PTPN11: variants seen among roughly 807,000 people sequenced by gnomAD.
PTPN11 encodes protein tyrosine phosphatase non-receptor type 11, also known as tyrosine-protein phosphatase non-receptor type 11.
A neutral mutation model predicts 78.8 loss-of-function variants in PTPN11; 6 were observed. The ratio of observed to expected loss-of-function variants is 0.08; its 90% CI spans 0.04 to 0.15. The LOEUF (loss-of-function observed/expected upper bound fraction) is 0.15. Among genes scored for constraint, PTPN11 ranks in the 10% least tolerant of loss-of-function variants. The pLI, the probability that PTPN11 is intolerant of heterozygous loss-of-function variation, is 1.00. For missense variants in PTPN11, 386 were observed against 744.8 expected (o/e 0.52, Z 5.61); for synonymous variants, 221 against 263.5 (o/e 0.84, Z 1.56).
At chr12:112,424,847 A>G (rs1312940753) in intron 1 of PTPN11, among the ~76,000 whole-genome samples, 1 of 150,518 alleles carries the variant, frequency 6.6e-6, no homozygotes, top group Non-Finnish European at 1.5e-5. Context: ...CTGCAGGCAC[A>G]CGCCACCATG....
intron 13 of PTPN11, among the ~76,000 whole-genome samples, chr12:112,491,396 A>G (rs2038743052): frequency 6.6e-6 from 1 of 152,212 alleles, no homozygotes; most frequent in South Asian, 2.1e-4. Context: ...TCTGTTTAAA[A>G]TTAAAAATGT....
intron 6 of PTPN11, among the ~76,000 whole-genome samples, chr12:112,460,873 C>A (rs1237580564): frequency 1.3e-5 from 2 of 152,054 alleles, no homozygotes; most frequent in Non-Finnish European, 2.9e-5. Context: ...TCTTAAGTCT[C>A]TTAGAATACT....
chr12:112,438,321 T>G (rs996245036), intron 1 of PTPN11, among the ~76,000 whole-genome samples: 4 of 152,186 alleles, frequency 2.6e-5, no homozygotes, highest in Non-Finnish European at 4.4e-5. Flanking sequence ...TGTTTATTGT[T>G]TTCTTGTGTG....
At chr12:112,486,397 G>A in intron 10 of PTPN11, 78 bp from the exon 11 acceptor site, 6 of 1,425,012 alleles carry the variant, frequency 4.2e-6, no homozygotes, top group Non-Finnish European at 5.9e-6. Context: ...ATTGGATTTA[G>A]GAAAGCTTAG....
chr12:112,490,207 A>G (rs939229142), intron 13 of PTPN11, among the ~76,000 whole-genome samples: 1 of 152,200 alleles, frequency 6.6e-6, no homozygotes, highest in Admixed American at 6.5e-5. Context: ...TGGCTCAAGA[A>G]TAGTTAGGCA....
At chr12:112,443,678 G>T (rs1442264598) in intron 1 of PTPN11, among the ~76,000 whole-genome samples, 1 of 145,050 alleles carries the variant, frequency 6.9e-6, no homozygotes, top group Non-Finnish European at 1.5e-5. Context: ...TTTGAGACAG[G>T]GTCTTATTCT....
chr12:112,427,583 A>G (rs376105609), intron 1 of PTPN11, among the ~76,000 whole-genome samples: 18 of 151,302 alleles, frequency 1.2e-4, no homozygotes, highest in African/African-American at 3.6e-4. Flanking sequence ...ATCTATATCT[A>G]TATAGATATA....
chr12:112,496,337 A>G (rs1157253970), intron 13 of PTPN11, among the ~76,000 whole-genome samples: 2 of 152,060 alleles, frequency 1.3e-5, no homozygotes, highest in East Asian at 3.9e-4. Flanking sequence ...TCCCTGCCGC[A>G]GCCCTAGAAT....
intron 1 of PTPN11, among the ~76,000 whole-genome samples, chr12:112,431,781 G>C (rs1420838456): frequency 6.6e-6 from 1 of 152,154 alleles, no homozygotes; most frequent in Non-Finnish European, 1.5e-5. Context: ...CATTTTGCAT[G>C]TATTAATTAA....
chr12:112,468,702 A>G (rs371325736), intron 6 of PTPN11, among the ~76,000 whole-genome samples: 11 of 152,314 alleles, frequency 7.2e-5, no homozygotes, highest in African/African-American at 2.2e-4. Flanking sequence ...CCCAGCAGCC[A>G]TCTTGACTGT....
intron 6 of PTPN11, among the ~76,000 whole-genome samples, chr12:112,467,023 G>T (rs2038337209): frequency 6.6e-6 from 1 of 152,138 alleles, no homozygotes; most frequent in Admixed American, 6.6e-5. Flanking sequence ...TGCAGTCACT[G>T]GGCTGCTGCT....
At chr12:112,462,029 C>T (rs1044074103) in intron 6 of PTPN11, among the ~76,000 whole-genome samples, 5 of 151,960 alleles carry the variant, frequency 3.3e-5, no homozygotes, top group Admixed American at 6.6e-5. Context: ...TTTTTTTGCG[C>T]TTTTCAAAAA....
intron 13 of PTPN11, among the ~76,000 whole-genome samples, chr12:112,490,651 T>C (rs2038734616): frequency 6.6e-6 from 1 of 152,172 alleles, no homozygotes. Flanking sequence ...CTCACTGTGT[T>C]GCCCAGGCTA....
At chr12:112,483,791 T>C (rs979296004) in intron 10 of PTPN11, among the ~76,000 whole-genome samples, 21 of 151,906 alleles carry the variant, frequency 1.4e-4, no homozygotes, top group African/African-American at 5.1e-4. Context: ...AGGGATTCAG[T>C]GAAGGAGTGT....
intron 1 of PTPN11, among the ~76,000 whole-genome samples, chr12:112,420,731 G>T (rs2037511173): frequency 6.6e-6 from 1 of 152,166 alleles, no homozygotes; most frequent in South Asian, 2.1e-4. Flanking sequence ...AAAAAGGGGA[G>T]AAAAAGAAAA....
intron 6 of PTPN11, among the ~76,000 whole-genome samples, chr12:112,458,762 A>G (rs2038202249): frequency 6.6e-6 from 1 of 152,210 alleles, no homozygotes; most frequent in African/African-American, 2.4e-5. Context: ...GCTGGGGCGT[A>G]GTGGCTACTC....
chr12:112,447,843 C>G (rs1361013991), intron 2 of PTPN11, among the ~76,000 whole-genome samples: 1 of 149,120 alleles, frequency 6.7e-6, no homozygotes, highest in Non-Finnish European at 1.5e-5. Context: ...CTCTTTTTCC[C>G]AGGCTGGAGT....
intron 13 of PTPN11, among the ~76,000 whole-genome samples, chr12:112,501,484 G>T (rs770759171): frequency 2.0e-5 from 3 of 152,118 alleles, no homozygotes; most frequent in Non-Finnish European, 4.4e-5. Flanking sequence ...AGTTAGCTGG[G>T]CATGGTGGTG....
chr12:112,425,496 A>G (rs1031729910), intron 1 of PTPN11, among the ~76,000 whole-genome samples: 6 of 152,186 alleles, frequency 3.9e-5, no homozygotes, highest in Admixed American at 2.6e-4. Flanking sequence ...ATTTTTCTGG[A>G]GTAGCAGGTA....
Sources: gnomAD v4.1 joint callset for allele counts (sites outside exome capture counted in the v4.1 genomes callset) on GRCh38, gnomAD v4.1.1 for gene constraint, MANE v1.5 for transcripts, NCBI Gene and HGNC (gene_info 2026-07-23, HGNC 2026-07-21) for gene names.